Variants in SMUG1 observed in about 807,000 individuals in gnomAD.
SMUG1 encodes single-strand-selective monofunctional uracil-DNA glycosylase 1.
Under a neutral mutation model 23.9 loss-of-function variants are expected in SMUG1, and 13 were observed. That is an observed-to-expected ratio of 0.54 (90% confidence interval 0.35 to 0.86). SMUG1 has a LOEUF of 0.86. SMUG1 is among the 40% of genes least tolerant of loss of function. SMUG1 has a pLI of 0.01. For missense variants in SMUG1, 313 were observed against 339.5 expected, an observed-to-expected ratio of 0.92 and a Z score of 0.61; for synonymous variants, 133 against 139.8, an observed-to-expected ratio of 0.95 and a Z score of 0.34.
chr12:54,184,051 G>C, intron 2 of SMUG1, 92 bp from the exon 3 acceptor site: 1 of 1,081,266 alleles, frequency 9.2e-7, no homozygotes, highest in Admixed American at 2.9e-5. Flanking sequence ...CCATTTCCTG[G>C]GCTCAGAAGG....
chr12:54,182,738 CTA>C, intron 3 of SMUG1, 115 bp from the exon 4 acceptor site: 6 of 1,486,586 alleles, frequency 4.0e-6, no homozygotes, highest in Non-Finnish European at 5.3e-6. Context: ...CCCCCTACCC[CTA>C]CCTTCACCCA....
At position 54,182,612 on chromosome 12, in the gene SMUG1, C is replaced by T. The variant is rs1387388924; in HGVS notation, c.297G>A (p.Gly99=). 2 of 1,608,098 alleles carry T rather than the reference C, an allele frequency of 1.2e-6. No individual in the cohort carries two copies. The highest frequency in any genetic ancestry group is 1.1e-5 in the South Asian group (1 of 90,536). ...FGMAQTGVPF[G]EVSMVRDWLG... is the part of the protein sequence containing the mutation. ...ACCAGTCCCGGACCATGCTTACTTC[C>T]CCAAAGGGCACCTGTGAGGAAGGAG... The change falls in exon 4 of 4, where the codon GGG becomes GGA. Residue 99 remains glycine (G), a synonymous_variant. Transcript: ENST00000682136.
At position 54,166,100 on chromosome 12, in the gene SMUG1, C is replaced by T. The variant is rs544442178; in HGVS notation, c.*53-622G>A. The stretch of plus-strand genomic sequence containing the variant: ...GAGCCCGGTGGAGCGCAGTGGCTCA[C>T]GCCTGTAATCCCAGCCCTTTGGGAG... On this transcript the variant is annotated intron_variant and NMD_transcript_variant, in intron 3 of 4. Transcript: ENST00000509864. Among the ~76,000 whole-genome samples, 16 of 152,282 alleles carry T rather than the reference C, an allele frequency of 1.1e-4. No individual in the cohort carries two copies. In the South Asian group the frequency reaches 1.9e-3, roughly 18 times the overall value.
At chr12:54,182,660 T>C in intron 3 of SMUG1, 37 bp from the exon 4 acceptor site, 1 of 1,571,764 alleles carries the variant, frequency 6.4e-7, no homozygotes, top group Non-Finnish European at 8.6e-7. Context: ...GGCTTCAAAC[T>C]GGAGACCTGA....
Position 54,181,916 on chromosome 12 carries a change from G to A in SMUG1, c.*180C>T. ...GCAGGAATCAGGAGGGCAAACAGGA[G>A]TAGTGTCAAAACTGCCATGGCAGGT... On this transcript the variant is annotated 3_prime_UTR_variant, in exon 4 of 4. Coordinates refer to ENST00000682136, the MANE Select transcript of SMUG1 (RefSeq NM_001243787.2). 2.8e-6 allele frequency: 4 copies of A among 1,444,228 alleles called. No homozygotes were observed. The highest frequency in any genetic ancestry group is 3.6e-6 in the Non-Finnish European group (4 of 1,101,722). The allele number at this position is 1,444,228 out of a possible 1,614,324, so 89.5% of individuals were successfully genotyped here.
intron 3 of SMUG1, among the ~76,000 whole-genome samples, chr12:54,169,144 T>C (rs1940555429): frequency 6.6e-6 from 1 of 152,080 alleles, no homozygotes; most frequent in African/African-American, 2.4e-5. Context: ...CAGATTGGTT[T>C]GAAGGACACA....
At chr12:54,187,780 T>G (rs551699457) in intron 2 of SMUG1, 39 bp downstream of exon 2, 2 of 112,042 alleles carry the variant, frequency 1.8e-5, no homozygotes, top group East Asian at 5.5e-4. Flanking sequence ...CTACCACCTG[T>G]TAACTCATTT....
At chr12:54,188,351 G>A (rs938686107) in intron 1 of SMUG1, among the ~76,000 whole-genome samples, 3 of 148,756 alleles carry the variant, frequency 2.0e-5, no homozygotes, top group African/African-American at 7.4e-5. Flanking sequence ...GCATAGGCCG[G>A]GCGCGGTGGC....
At position 54,181,331 on chromosome 12, in the gene SMUG1, A is replaced by G; in HGVS notation, c.*765T>C. ...TGTAGTGCAGTGCTGTGAATCCTCA[A>G]CCCAGAGGCAAGAAAACAAGAAGAC... is the stretch of plus-strand genomic sequence containing the variant. On this transcript the variant is annotated 3_prime_UTR_variant, in exon 4 of 4. Coordinates refer to ENST00000682136, the MANE Select transcript of SMUG1 (RefSeq NM_001243787.2). 1 of 574,478 alleles carries G rather than the reference A, an allele frequency of 1.7e-6. No homozygotes were observed. The highest frequency in any genetic ancestry group is 1.9e-5 in the African/African-American group (1 of 53,434). 35.6% of individuals were successfully genotyped at this position (574,478 alleles called of 1,614,324 possible).
At position 54,181,237 on chromosome 12, in the gene SMUG1, C is replaced by T. The variant is rs1941022901; in HGVS notation, c.*859G>A. On this transcript the variant is annotated 3_prime_UTR_variant, in exon 4 of 4. Transcript: ENST00000682136. ...TCTGACATGGCAAGAATTTTCCCTT[C>T]ACCCTGGCCGCAGGTGGAAGCCCAG... is the stretch of plus-strand genomic sequence containing the variant. The T allele has an allele frequency of 3.2e-6, 1 of 312,966 alleles. No homozygotes were observed. The highest frequency in any genetic ancestry group is 2.1e-5 in the African/African-American group (1 of 47,652). 19.4% of individuals were successfully genotyped at this position (312,966 alleles called of 1,614,324 possible).
chr12:54,182,669 G>C (rs1941386430), intron 3 of SMUG1, 46 bp from the exon 4 acceptor site: 2 of 1,563,366 alleles, frequency 1.3e-6, no homozygotes, highest in Non-Finnish European at 1.7e-6. Flanking sequence ...CTGGAGACCT[G>C]AGGCCCGGGC....
downstream of SMUG1, among the ~76,000 whole-genome samples, chr12:54,179,423 T>C (rs1940833204): frequency 6.6e-6 from 1 of 152,144 alleles, no homozygotes; most frequent in Admixed American, 6.5e-5. Flanking sequence ...CCATTATATA[T>C]TTCCTCAGCT....
In SMUG1 at chr12:54,168,442, G is replaced by C. The variant is rs537068984; in HGVS notation, c.*53-2964C>G. 2.6e-5 allele frequency: 4 copies of C among 152,276 alleles called. No homozygotes were observed. In the South Asian group the frequency reaches 8.3e-4, roughly 32 times the overall value. 9.4% of individuals were successfully genotyped at this position (152,276 alleles called of 1,614,324 possible). ...CAGACCTATTCAATCCAACTCTCCA[G>C]TTTAGCAAGATCCCCAGGTGATTTT... On this transcript the variant is annotated intron_variant and NMD_transcript_variant, in intron 3 of 4. Transcript: ENST00000509864.
downstream of SMUG1, among the ~76,000 whole-genome samples, chr12:54,178,853 G>A (rs891052865): frequency 6.6e-6 from 1 of 152,178 alleles, no homozygotes; most frequent in Non-Finnish European, 1.5e-5. Flanking sequence ...TAACATTTGA[G>A]TTAGTAGACT....
chr12:54,188,909 T>C (rs1943172634), intron 1 of SMUG1, 42 bp downstream of exon 1: 1 of 152,176 alleles, frequency 6.6e-6, no homozygotes, highest in African/African-American at 2.4e-5. Flanking sequence ...AGCCGTCAAC[T>C]TGCCCCCACA....
chr12:54,188,295 A>AATT (rs869289712), intron 1 of SMUG1, among the ~76,000 whole-genome samples: 3 of 68,894 alleles, frequency 4.4e-5, no homozygotes, highest in Admixed American at 2.6e-4. Context: ...TAATAATAAT[A>AATT]AATAATAATA....
chr12:54,187,092 T>G (rs1942647663), intron 2 of SMUG1: 1 of 152,190 alleles, frequency 6.6e-6, no homozygotes, highest in East Asian at 1.9e-4. Context: ...ATATCCTGAG[T>G]TCACTCAAGG....
chr12:54,184,137 G>T, intron 2 of SMUG1, 178 bp from the exon 3 acceptor site: 1 of 481,688 alleles, frequency 2.1e-6, no homozygotes, highest in Non-Finnish European at 3.6e-6. Context: ...GGTAATGAAG[G>T]GCCCTTTCCC....
intron 3 of SMUG1, among the ~76,000 whole-genome samples, chr12:54,171,144 C>T (rs957105814): frequency 4.0e-5 from 6 of 151,836 alleles, no homozygotes; most frequent in African/African-American, 7.3e-5. Context: ...GGATCACAGG[C>T]GTCCGCCACC....
Sources: gnomAD v4.1 joint callset for allele counts (sites outside exome capture counted in the v4.1 genomes callset) on GRCh38, gnomAD v4.1.1 for gene constraint, MANE v1.5 for transcripts, NCBI Gene and HGNC (gene_info 2026-07-23, HGNC 2026-07-21) for gene names.